Variants in NOVA1 observed in about 807,000 individuals in gnomAD.
NOVA1 encodes NOVA alternative splicing regulator 1.
Under a neutral mutation model 38.0 loss-of-function variants are expected in NOVA1, and 7 were observed. That is an observed-to-expected ratio of 0.18 (90% CI 0.10 to 0.35). The LOEUF (loss-of-function observed/expected upper bound fraction) is 0.35, where lower values mean the gene tolerates loss of function less well. NOVA1 is among the 10% of genes least tolerant of loss of function. NOVA1 has a pLI of 1.00. For synonymous variants in NOVA1, 270 were observed against 232.5 expected (o/e 1.16, Z -1.47); for missense variants, 460 against 616.0 (o/e 0.75, Z 2.68).
At chr14:26,526,771 T>C (rs1889331880) in intron 2 of NOVA1, among the ~76,000 whole-genome samples, 1 of 152,208 alleles carries the variant, frequency 6.6e-6, no homozygotes, top group Non-Finnish European at 1.5e-5. Context: ...CAATACCTGC[T>C]ACCTTCAAGT....
At chr14:26,450,382 TACAC>T (rs149590260) in intron 4 of NOVA1, among the ~76,000 whole-genome samples, 6 of 149,912 alleles carry the variant, frequency 4.0e-5, no homozygotes, top group African/African-American at 7.3e-5. Flanking sequence ...ACACATATAA[TACAC>T]ACACACACAC....
intron 2 of NOVA1, among the ~76,000 whole-genome samples, chr14:26,518,070 CTTTA>C (rs1439181437): frequency 2.0e-5 from 3 of 151,978 alleles, no homozygotes; most frequent in Admixed American, 6.6e-5. Context: ...AGGTCCAATA[CTTTA>C]TTTATGCCAT....
At chr14:26,513,722 A>G (rs1888264065) in intron 2 of NOVA1, among the ~76,000 whole-genome samples, 1 of 151,820 alleles carries the variant, frequency 6.6e-6, no homozygotes, top group Non-Finnish European at 1.5e-5. Context: ...ATAAATATTA[A>G]TACTAAAACA....
chr14:26,515,441 G>C (rs1177303741), intron 2 of NOVA1, among the ~76,000 whole-genome samples: 1 of 151,864 alleles, frequency 6.6e-6, no homozygotes, highest in Non-Finnish European at 1.5e-5. Context: ...ACATTCACTA[G>C]TAGTCGTCAA....
chr14:26,449,141 T>C (rs560543887), intron 4 of NOVA1, among the ~76,000 whole-genome samples, 178 bp from the exon 5 acceptor site: 1 of 152,232 alleles, frequency 6.6e-6, no homozygotes, highest in East Asian at 1.9e-4. Flanking sequence ...TCTTGTAAAA[T>C]TAGAATTTTC....
chr14:26,488,034 C>G (rs1276650055), intron 2 of NOVA1, among the ~76,000 whole-genome samples: 2 of 152,072 alleles, frequency 1.3e-5, no homozygotes, highest in African/African-American at 4.8e-5. Flanking sequence ...AGAAAATACA[C>G]TATTTCAAGA....
At chr14:26,508,929 T>C (rs939748934) in intron 2 of NOVA1, among the ~76,000 whole-genome samples, 1 of 151,938 alleles carries the variant, frequency 6.6e-6, no homozygotes, top group Non-Finnish European at 1.5e-5. Flanking sequence ...CTAGCCCATC[T>C]AGGATAAAAT....
intron 2 of NOVA1, among the ~76,000 whole-genome samples, chr14:26,484,449 A>C (rs944079356): frequency 7.3e-5 from 11 of 151,324 alleles, no homozygotes; most frequent in South Asian, 2.1e-4. Context: ...AAAAAAAAAA[A>C]AAAAAAAAAA....
At chr14:26,572,115 A>G (rs1892519255) in intron 2 of NOVA1, among the ~76,000 whole-genome samples, 1 of 152,218 alleles carries the variant, frequency 6.6e-6, no homozygotes, top group Admixed American at 6.5e-5. Context: ...ATGTTATGAA[A>G]TACACCACAA....
At chr14:26,498,882 T>C (rs1175245106) in intron 2 of NOVA1, among the ~76,000 whole-genome samples, 1 of 152,200 alleles carries the variant, frequency 6.6e-6, no homozygotes, top group Non-Finnish European at 1.5e-5. Context: ...ATCCTGCCAT[T>C]TGCCACAACT....
rs1417762044 is a variant in NOVA1, at chr14:26,446,016, T to C, written c.*1943A>G. 2 of 152,578 alleles carry C rather than the reference T, an allele frequency of 1.3e-5. No individual in the cohort carries two copies. The highest frequency in any genetic ancestry group is 2.9e-5 in the Non-Finnish European group (2 of 68,024). 9.5% of individuals were successfully genotyped at this position (152,578 alleles called of 1,614,324 possible). On this transcript the variant is annotated 3_prime_UTR_variant, in exon 5 of 5. Coordinates refer to ENST00000539517, the MANE Select transcript of NOVA1 (RefSeq NM_002515.3). The stretch of plus-strand genomic sequence containing the variant: ...ACAGCTACAGAGTATCGACGATAAA[T>C]AGTCATTACCAATTAACACAGTTTA...
rs34853058 is a variant in NOVA1 at position 26,587,308 on chromosome 14, TA to T, written c.280+8101del. Among the ~76,000 whole-genome samples, 706 of 123,678 alleles carry T rather than the reference TA, an allele frequency of 5.7e-3. 6 individuals are homozygous for T. Among genetic ancestry groups the T allele is most frequent in the African/African-American group, 0.023 (659 of 28,764 alleles). 81.1% of individuals were successfully genotyped at this position (123,678 alleles called of 152,430 possible). A position where few individuals can be genotyped will look rare whatever the true frequency, so the allele number is the denominator to read the frequency against. Reference sequence around the variant, plus strand: ...ATCTTTAACAGGGATCTAAAATATATAAAAAAAAAAAAAAACAAAAATCTAA... The same window carrying T: ...ATCTTTAACAGGGATCTAAAATATATAAAAAAAAAAAAAACAAAAATCTAA... On this transcript the variant is annotated intron_variant, in intron 2 of 4. Coordinates refer to ENST00000539517, the MANE Select transcript of NOVA1 (RefSeq NM_002515.3).
intron 2 of NOVA1, among the ~76,000 whole-genome samples, chr14:26,571,543 A>G (rs1298252691): frequency 6.6e-6 from 1 of 152,218 alleles, no homozygotes; most frequent in African/African-American, 2.4e-5. Context: ...ACCTTAAAAA[A>G]GATGTCCACA....
chr14:26,569,215 A>G (rs945059648), intron 2 of NOVA1, among the ~76,000 whole-genome samples: 3 of 152,214 alleles, frequency 2.0e-5, no homozygotes, highest in African/African-American at 2.4e-5. Context: ...AACACATTTC[A>G]TAAGAGGTTT....
intron 2 of NOVA1, among the ~76,000 whole-genome samples, chr14:26,511,307 A>T (rs995547313): frequency 2.6e-5 from 4 of 152,194 alleles, no homozygotes; most frequent in Non-Finnish European, 5.9e-5. Context: ...GAAGTAGTTA[A>T]ATATACTAAC....
intron 4 of NOVA1, among the ~76,000 whole-genome samples, chr14:26,462,287 C>T (rs1229531166): frequency 2.0e-5 from 3 of 151,688 alleles, no homozygotes; most frequent in African/African-American, 7.3e-5. Flanking sequence ...AACTTTTGTA[C>T]AAATTTAGTA....
In NOVA1 at chr14:26,503,483, CA is replaced by C. The variant is rs763912522; in HGVS notation, c.281-23341del. ...AATATCACCATATAGCTCTGATTGG[CA>C]AATAATTATAAAAGTTTGGGATGGA... On this transcript the variant is annotated intron_variant, in intron 2 of 4. Transcript: ENST00000539517. Among the ~76,000 whole-genome samples the C allele has an allele frequency of 3.9e-5, 6 of 152,070 alleles. No homozygotes were observed. The East Asian group carries it at 1.2e-3, about 29-fold the overall frequency.
intron 3 of NOVA1, among the ~76,000 whole-genome samples, chr14:26,475,367 T>A (rs1884900955): frequency 6.6e-6 from 1 of 152,146 alleles, no homozygotes. Flanking sequence ...ACTGTTTACA[T>A]CCATTTACTG....
chr14:26,476,811 G>C (rs1450858144), intron 3 of NOVA1, among the ~76,000 whole-genome samples: 1 of 151,340 alleles, frequency 6.6e-6, no homozygotes, highest in Non-Finnish European at 1.5e-5. Context: ...CCACAACCAG[G>C]GTTCAAGCGA....
Sources: gnomAD v4.1 joint callset for allele counts (sites outside exome capture counted in the v4.1 genomes callset) on GRCh38, gnomAD v4.1.1 for gene constraint, MANE v1.5 for transcripts, NCBI Gene and HGNC (gene_info 2026-07-23, HGNC 2026-07-21) for gene names.